Variants in TSPEAR observed in about 807,000 individuals in gnomAD.
TSPEAR encodes thrombospondin-type laminin G domain and EAR repeat-containing protein.
In TSPEAR, 69 loss-of-function variants were observed where a neutral mutation model predicts 71.6. The ratio of observed to expected loss-of-function variants is 0.96; its 90% CI spans 0.79 to 1.18. The LOEUF is 1.18. Ranked by LOEUF, TSPEAR falls within the 50% of genes most tolerant of loss-of-function variation. TSPEAR has a pLI of 0.00. For missense variants in TSPEAR, 971 were observed against 894.9 expected (o/e 1.09, Z -1.09); for synonymous variants, 402 against 387.2 (o/e 1.04, Z -0.45).
At chr21:44,571,089 GA>G (rs2053788767) in intron 1 of TSPEAR, among the ~76,000 whole-genome samples, 1 of 152,186 alleles carries the variant, frequency 6.6e-6, no homozygotes, top group South Asian at 2.1e-4. Flanking sequence ...TAGAATAGGA[GA>G]AAACACCAAC....
In TSPEAR at chr21:44,558,145, G is replaced by T. The variant is rs201268694; in HGVS notation, c.303+9640C>A. The T allele has an allele frequency of 3.3e-4, 532 of 1,613,390 alleles. 4 individuals are homozygous for T. The Middle Eastern group carries it at 7.6e-3, about 23-fold the overall frequency. ...CAGAGGAGGGACACGCAGGAGGCCG[G>T]GCGGCAGCAGCTGGGCTGGCAGGTG... On this transcript the variant is annotated intron_variant, in intron 2 of 11. Coordinates refer to ENST00000323084, the MANE Select transcript of TSPEAR (RefSeq NM_144991.3).
intron 1 of TSPEAR, among the ~76,000 whole-genome samples, chr21:44,633,762 T>C (rs1983386129): frequency 6.6e-6 from 1 of 152,232 alleles, no homozygotes. Flanking sequence ...GTTCTCTATT[T>C]CGTTATTGAT....
At chr21:44,679,297 A>C (rs977987611) in intron 1 of TSPEAR, among the ~76,000 whole-genome samples, 2 of 152,346 alleles carry the variant, frequency 1.3e-5, no homozygotes, top group Non-Finnish European at 2.9e-5. Flanking sequence ...CTCATTCACA[A>C]TAGCTATTTT....
intron 1 of TSPEAR, chr21:44,676,164 G>C: frequency 9.1e-7 from 1 of 1,094,824 alleles, no homozygotes; most frequent in South Asian, 1.2e-5. Context: ...GGTAGGAGAA[G>C]AAGTACTGGT....
intron 1 of TSPEAR, among the ~76,000 whole-genome samples, chr21:44,674,859 C>A (rs1986234617): frequency 6.8e-6 from 1 of 147,746 alleles, no homozygotes. Context: ...ACATACACAA[C>A]CTACCAAGAT....
intron 1 of TSPEAR, among the ~76,000 whole-genome samples, chr21:44,662,557 A>G (rs1376542818): frequency 6.6e-6 from 1 of 152,246 alleles, no homozygotes; most frequent in Non-Finnish European, 1.5e-5. Flanking sequence ...GCTTCAAGAG[A>G]ACAAGTAGAC....
At chr21:44,518,656 T>G (rs1278182864) in intron 9 of TSPEAR, 4 of 470,778 alleles carry the variant, frequency 8.5e-6, no homozygotes, top group Non-Finnish European at 1.8e-5. Flanking sequence ...CAAGACCCCC[T>G]GGAGGCCCGC....
At chr21:44,563,811 C>T (rs1300354582) in intron 2 of TSPEAR, among the ~76,000 whole-genome samples, 4 of 152,172 alleles carry the variant, frequency 2.6e-5, no homozygotes, top group South Asian at 2.1e-4. Flanking sequence ...AACATATAGT[C>T]GAGTGTTATA....
chr21:44,616,101 G>A (rs1371897875), intron 1 of TSPEAR, among the ~76,000 whole-genome samples: 1 of 152,062 alleles, frequency 6.6e-6, no homozygotes, highest in Non-Finnish European at 1.5e-5. Flanking sequence ...GCAGCGTGTC[G>A]GCGGGCACCT....
chr21:44,676,590 G>C (rs1242993935), intron 1 of TSPEAR: 5 of 728,426 alleles, frequency 6.9e-6, no homozygotes, highest in Non-Finnish European at 1.3e-5. Flanking sequence ...CTTGTTCCGA[G>C]AGTTTCTCAG....
intron 1 of TSPEAR, among the ~76,000 whole-genome samples, chr21:44,672,398 G>A (rs911324473): frequency 8.6e-4 from 131 of 152,036 alleles, no homozygotes; most frequent in Non-Finnish European, 2.6e-4. Flanking sequence ...GTGAAACCCC[G>A]TCTCTACTAA....
intron 1 of TSPEAR, among the ~76,000 whole-genome samples, chr21:44,703,705 C>T (rs1555951865): frequency 6.6e-6 from 1 of 152,204 alleles, no homozygotes; most frequent in East Asian, 1.9e-4. Context: ...GGGAAAGAAG[C>T]CAAAGGGTAC....
At position 44,567,873 on chromosome 21, in the gene TSPEAR, G is replaced by A. The variant is rs1555921937; in HGVS notation, c.215C>T (p.Pro72Leu). 1.9e-6 allele frequency: 3 copies of A among 1,608,874 alleles called. No homozygotes were observed. The highest frequency in any genetic ancestry group is 2.5e-6 in the Non-Finnish European group (3 of 1,176,730). ...SVAAPRTMSF[P>L]ASRIFSQCDL... ...ACACTGGGAGAAAATCCTGGATGCT[G>A]GGAAGCTCATGGTGCGGGGGGCGGC... The change falls in exon 2 of 12, where the codon CCA becomes CTA. Residue 72 changes from proline to leucine, a missense_variant. Coordinates refer to ENST00000323084, the MANE Select transcript of TSPEAR (RefSeq NM_144991.3).
intron 10 of TSPEAR, 54 bp from the exon 11 acceptor site, chr21:44,504,935 G>A (rs2052160038): frequency 2.1e-6 from 3 of 1,461,294 alleles, no homozygotes; most frequent in African/African-American, 2.8e-5. Context: ...CCAGGGAACT[G>A]GGGGATTGGC....
chr21:44,530,138 G>A (rs2052937776), intron 4 of TSPEAR, among the ~76,000 whole-genome samples, 184 bp from the exon 5 acceptor site: 1 of 152,224 alleles, frequency 6.6e-6, no homozygotes, highest in South Asian at 2.1e-4. Context: ...GGGAGCAATG[G>A]TGAAGAATTG....
In TSPEAR at chr21:44,612,493, C is replaced by T. The variant is rs587687321; in HGVS notation, c.83-44488G>A. ...GCTGCAAGTCCAACTGCTGCAAGCCCGTGTGCTGCGTGTCCATCTGCTCTG... is the reference window on the plus strand; with the variant it reads ...GCTGCAAGTCCAACTGCTGCAAGCCTGTGTGCTGCGTGTCCATCTGCTCTG... On this transcript the variant is annotated intron_variant, in intron 1 of 11. Coordinates refer to ENST00000323084, the MANE Select transcript of TSPEAR (RefSeq NM_144991.3). The surrounding 1 kb of genome is among the most constrained non-coding windows in gnomAD (Gnocchi z 4.1). 75 of 1,609,460 alleles carry T rather than the reference C, an allele frequency of 4.7e-5. No individual in the cohort carries two copies. Among genetic ancestry groups the T allele is most frequent in the African/African-American group, 2.6e-4 (19 of 74,394 alleles).
intron 1 of TSPEAR, among the ~76,000 whole-genome samples, chr21:44,600,109 G>C (rs587767858): frequency 3.3e-5 from 5 of 152,274 alleles, no homozygotes; most frequent in South Asian, 4.1e-4. Flanking sequence ...GCACCAGAGA[G>C]AGTGTGGGGA....
intron 9 of TSPEAR, among the ~76,000 whole-genome samples, chr21:44,515,116 C>T (rs2052521592): frequency 6.6e-6 from 1 of 152,198 alleles, no homozygotes; most frequent in African/African-American, 2.4e-5. Flanking sequence ...CGCTTCAAAG[C>T]TCACGTTCAT....
At chr21:44,629,901 G>A (rs190223441) in intron 1 of TSPEAR, among the ~76,000 whole-genome samples, 259 of 152,326 alleles carry the variant, frequency 1.7e-3, no homozygotes, top group African/African-American at 5.4e-3. Context: ...GGGATGGAGC[G>A]CAGGCCAGGC....
Sources: gnomAD v4.1 joint callset for allele counts (sites outside exome capture counted in the v4.1 genomes callset) on GRCh38, gnomAD v4.1.1 for gene constraint, Gnocchi (gnomAD v3.1) non-coding constraint, MANE v1.5 for transcripts, NCBI Gene and HGNC (gene_info 2026-07-23, HGNC 2026-07-21) for gene names.